Variants in TM6SF2 observed in about 807,000 individuals in gnomAD.
TM6SF2 encodes the protein transmembrane 6 superfamily member 2.
Under a neutral mutation model 41.0 loss-of-function variants are expected in TM6SF2, and 29 were observed. That is an observed-to-expected ratio of 0.71 (90% CI 0.53 to 0.96). TM6SF2 has a LOEUF of 0.96. Ranked by LOEUF, TM6SF2 falls within the 50% of genes least tolerant of loss-of-function variation. The pLI, the probability that TM6SF2 is intolerant of heterozygous loss-of-function variation, is 0.00. For missense variants in TM6SF2, 475 were observed against 499.0 expected (o/e 0.95, Z 0.46); for synonymous variants, 200 against 209.1 (o/e 0.96, Z 0.37).
chr19:19,272,697 G>GTGTA (rs1209654588), intron 1 of TM6SF2, among the ~76,000 whole-genome samples: 2 of 132,210 alleles, frequency 1.5e-5, no homozygotes, highest in Non-Finnish European at 3.1e-5. Flanking sequence ...AGTAGGGTGT[G>GTGTA]TGTGTGTGTG....
Position 19,267,649 on chromosome 19 carries a change from C to G in TM6SF2, c.776G>C (p.Arg259Pro), listed in dbSNP as rs370548010. 1.9e-6 allele frequency: 3 copies of G among 1,613,766 alleles called. No homozygotes were observed. The highest frequency in any genetic ancestry group is 1.7e-6 in the Non-Finnish European group (2 of 1,179,898). ...VYIYQYEPYL[R>P]DPVAYPKVQM... is the part of the protein sequence containing the mutation. Reference sequence around the variant, plus strand: ...CACCTTAGGGTAGGCCACAGGGTCCCGCAGGTATGGCTCATACTGGTAGAT... The same window carrying G: ...CACCTTAGGGTAGGCCACAGGGTCCGGCAGGTATGGCTCATACTGGTAGAT... Residue 259 changes from arginine to proline, a missense_variant, in exon 8 of 10, where the codon CGG (arginine) becomes CCG (proline). Transcript: ENST00000389363.
rs1405343326 is a variant in TM6SF2 at position 19,267,684 on chromosome 19, G to A, written c.741C>T (p.Cys247=). 1 of 1,613,888 alleles carries A rather than the reference G, an allele frequency of 6.2e-7. No individual in the cohort carries two copies. Residue 247 remains cysteine, a synonymous_variant, in exon 8 of 10, where the codon TGC becomes TGT. Coordinates refer to ENST00000389363, the MANE Select transcript of TM6SF2 (RefSeq NM_001001524.3). ...GCTCATACTGGTAGATATAGACAAA[G>A]CAGGCATCTGTGGGGCAATCAAGCA... The part of the protein sequence containing the change: ...LVVLDCPTDA[C]FVYIYQYEPY...
At chr19:19,271,511 T>TCTTC (rs1039719927) in intron 1 of TM6SF2, among the ~76,000 whole-genome samples, 5 of 150,004 alleles carry the variant, frequency 3.3e-5, no homozygotes, top group African/African-American at 1.2e-4. Flanking sequence ...TTTCTTTCTT[T>TCTTC]TTTTCTTTTT....
chr19:19,271,586 A>C (rs918845166), intron 1 of TM6SF2, among the ~76,000 whole-genome samples: 2 of 150,020 alleles, frequency 1.3e-5, no homozygotes, highest in African/African-American at 2.5e-5. Context: ...GCTGGAGTGC[A>C]GTGGTGCAAT....
At chr19:19,270,509 TGTGGGCG>T in intron 2 of TM6SF2, 67 bp from the exon 3 acceptor site, 1 of 1,534,514 alleles carries the variant, frequency 6.5e-7, no homozygotes, top group South Asian at 1.2e-5. Flanking sequence ...TAGGGCTTAG[TGTGGGCG>T]GGGCTTGAAG....
chr19:19,273,058 T>TACTGG, intron 1 of TM6SF2, 63 bp downstream of exon 1: 1 of 470,240 alleles, frequency 2.1e-6, no homozygotes, highest in Non-Finnish European at 3.8e-6. Flanking sequence ...CCACCTCCAG[T>TACTGG]CCTCCCCGCC....
Position 19,267,952 on chromosome 19 carries a change from C to T in TM6SF2, c.711+34G>A, listed in dbSNP as rs148937842. ...TGGGTCAGGGAAGGGAGACTGGTGG[C>T]AGGGGAGGGGGAGACCAACCAGCGC... On this transcript the variant is annotated intron_variant, in intron 7 of 9. Coordinates refer to ENST00000389363, the MANE Select transcript of TM6SF2 (RefSeq NM_001001524.3). The T allele has an allele frequency of 5.5e-4, 780 of 1,430,534 alleles. 4 individuals are homozygous for T. The African/African-American group carries it at 9.6e-3, about 18-fold the overall frequency. The allele number at this position is 1,430,534 out of a possible 1,614,324, so 88.6% of individuals were successfully genotyped here.
intron 4 of TM6SF2, 99 bp from the exon 5 acceptor site, chr19:19,269,868 T>C: frequency 6.3e-7 from 1 of 1,591,448 alleles, no homozygotes; most frequent in Non-Finnish European, 8.6e-7. Context: ...CAGCTCCGGG[T>C]CCCTTTCAGT....
In TM6SF2 at chr19:19,264,723, C is replaced by T. The variant is rs766168663; in HGVS notation, c.1075G>A (p.Ala359Thr). The T allele has an allele frequency of 8.1e-6, 13 of 1,595,160 alleles. No individual in the cohort carries two copies. The highest frequency in any genetic ancestry group is 3.5e-5 in the Admixed American group (2 of 57,678). ...GAGGGTGGTGGCTGGTGGAAGAATG[C>T]GGGCCACTGAAGGCAACGGTAGGCC... ...LLAYRCLQWP[A>T]FFHQPPPSDP... The change falls in exon 10 of 10, where the codon GCA (alanine) becomes ACA (threonine). Residue 359 changes from alanine (A) to threonine (T), a missense_variant. Transcript: ENST00000389363.
rs373173558 is a variant in TM6SF2, at chr19:19,266,496, G to T, written c.918C>A (p.Ile306=). ...PDWALVFAGG[I]GQAQFSHMGA... is the part of the protein sequence containing the mutation. ...CACCCATCCGCCACCTCACCTGGCC[G>T]ATGCCTCCAGCAAACACCAAGGCCC... The change falls in exon 9 of 10, where the codon ATC becomes ATA. Residue 306 remains isoleucine, a synonymous_variant. Transcript: ENST00000389363. 2.5e-6 allele frequency: 4 copies of T among 1,613,532 alleles called. No homozygotes were observed. The highest frequency in any genetic ancestry group is 2.5e-6 in the Non-Finnish European group (3 of 1,179,788).
At chr19:19,270,517 G>T in intron 2 of TM6SF2, 75 bp from the exon 3 acceptor site, 1 of 1,515,286 alleles carries the variant, frequency 6.6e-7, no homozygotes, top group Non-Finnish European at 8.9e-7. Flanking sequence ...AGTGTGGGCG[G>T]GGCTTGAAGT....
At chr19:19,269,969 A>G (rs1318377769) in intron 4 of TM6SF2, 200 bp from the exon 5 acceptor site, 4 of 1,478,130 alleles carry the variant, frequency 2.7e-6, no homozygotes, top group Non-Finnish European at 3.6e-6. Context: ...GCCCAGGCAC[A>G]GGGTGGATGT....
chr19:19,270,779 G>A (rs1294698212), intron 2 of TM6SF2, among the ~76,000 whole-genome samples: 1 of 152,190 alleles, frequency 6.6e-6, no homozygotes, highest in African/African-American at 2.4e-5. Context: ...TCTTTTTCAG[G>A]AGCTTCTAAT....
chr19:19,271,740 AGGCTGGTCTC>A (rs2061024748), intron 1 of TM6SF2, among the ~76,000 whole-genome samples: 1 of 151,676 alleles, frequency 6.6e-6, no homozygotes, highest in Non-Finnish European at 1.5e-5. Context: ...CATGTTGGCC[AGGCTGGTCTC>A]GAACTCCTGA....
At chr19:19,267,381 A>G (rs371811399) in intron 8 of TM6SF2, among the ~76,000 whole-genome samples, 5,229 of 101,224 alleles carry the variant, frequency 0.052, 148 homozygotes, top group Admixed American at 0.083. Context: ...AAAAAAAAAA[A>G]AAAAGAAAAA....
intron 8 of TM6SF2, 132 bp from the exon 9 acceptor site, chr19:19,266,741 C>A: frequency 9.4e-7 from 1 of 1,068,186 alleles, no homozygotes; most frequent in South Asian, 1.6e-5. Context: ...AGGCTCTCTG[C>A]AAAGTGCTCC....
At chr19:19,269,282 T>A (rs184202121) in intron 5 of TM6SF2, among the ~76,000 whole-genome samples, 35 of 152,312 alleles carry the variant, frequency 2.3e-4, no homozygotes, top group African/African-American at 8.2e-4. Flanking sequence ...GGTTCTTTGC[T>A]TCCTACAAAT....
At chr19:19,267,890 C>T (rs929317281) in intron 7 of TM6SF2, 96 bp downstream of exon 7, 39 of 1,146,020 alleles carry the variant, frequency 3.4e-5, no homozygotes, top group Non-Finnish European at 5.2e-6. Flanking sequence ...GAAGAACTTC[C>T]TTGGATGATC....
At chr19:19,266,090 C>A (rs1252106182) in intron 9 of TM6SF2, among the ~76,000 whole-genome samples, 3 of 152,094 alleles carry the variant, frequency 2.0e-5, no homozygotes, top group Non-Finnish European at 2.9e-5. Flanking sequence ...CCTTCAGCAT[C>A]CAGCTGCCAA....
Sources: gnomAD v4.1 joint callset for allele counts (sites outside exome capture counted in the v4.1 genomes callset) on GRCh38, gnomAD v4.1.1 for gene constraint, MANE v1.5 for transcripts, NCBI Gene and HGNC (gene_info 2026-07-23, HGNC 2026-07-21) for gene names.